The following LRRTM4 variants were observed in gnomAD, a reference collection of about 807,000 sequenced individuals.
The protein encoded by LRRTM4 is leucine rich repeat transmembrane neuronal 4.
A neutral mutation model predicts 47.6 loss-of-function variants in LRRTM4; 25 were observed. The ratio of observed to expected loss-of-function variants is 0.53; its 90% confidence interval spans 0.38 to 0.73. The LOEUF (loss-of-function observed/expected upper bound fraction) is 0.73, where lower values mean the gene tolerates loss of function less well. Among genes scored for constraint, LRRTM4 ranks in the 30% least tolerant of loss-of-function variants. The pLI, the probability that LRRTM4 is intolerant of heterozygous loss-of-function variation, is 0.00. For missense variants in LRRTM4, 638 were observed against 713.4 expected (o/e 0.89, Z 1.20); for synonymous variants, 311 against 269.5 (o/e 1.15, Z -1.51).
chr2:77,195,975 A>G (rs1470956817), intron 3 of LRRTM4, among the ~76,000 whole-genome samples: 1 of 152,194 alleles, frequency 6.6e-6, no homozygotes, highest in African/African-American at 2.4e-5. Context: ...TAAGTAAGCT[A>G]TTAATCTTTC....
intron 3 of LRRTM4, among the ~76,000 whole-genome samples, chr2:77,083,918 C>T (rs1353055481): frequency 6.7e-6 from 1 of 150,194 alleles, no homozygotes; most frequent in Non-Finnish European, 1.5e-5. Flanking sequence ...CATTCTCCTG[C>T]CTCAGCCTCC....
intron 3 of LRRTM4, among the ~76,000 whole-genome samples, chr2:77,196,636 T>A (rs529979978): frequency 6.6e-6 from 1 of 152,152 alleles, no homozygotes; most frequent in East Asian, 1.9e-4. Flanking sequence ...CCCAGCTTAG[T>A]AGGCTGAGGC....
intron 3 of LRRTM4, among the ~76,000 whole-genome samples, chr2:77,151,078 T>C (rs1318883090): frequency 6.6e-6 from 1 of 152,068 alleles, no homozygotes; most frequent in Non-Finnish European, 1.5e-5. Context: ...TGTGAAATCA[T>C]CACCACAATC....
At chr2:77,345,504 A>G (rs942028640) in intron 3 of LRRTM4, among the ~76,000 whole-genome samples, 3 of 151,916 alleles carry the variant, frequency 2.0e-5, no homozygotes, top group African/African-American at 4.8e-5. Context: ...AGAAAAGACA[A>G]CTCATTGAAG....
chr2:77,185,959 T>C (rs778210044), intron 3 of LRRTM4, among the ~76,000 whole-genome samples: 35 of 152,286 alleles, frequency 2.3e-4, no homozygotes, highest in South Asian at 1.4e-3. Context: ...TGTGAACCCT[T>C]TGGTACAGTG....
In LRRTM4 at chr2:77,350,283, G is replaced by T. The variant is rs866131542; in HGVS notation, c.1551+168035C>A. On this transcript the variant is annotated intron_variant, in intron 3 of 3. Coordinates refer to ENST00000409884, the MANE Select transcript of LRRTM4 (RefSeq NM_001134745.3). The stretch of plus-strand genomic sequence containing the variant: ...GGAGCTTGCAGTGAGCCGAGATTGC[G>T]CCACTGCAGTCCGCAGTCCGGCCTG... Among the ~76,000 whole-genome samples the T allele has an allele frequency of 1.5e-4, 19 of 122,638 alleles. No individual in the cohort carries two copies. In the Admixed American group the frequency reaches 1.8e-3, roughly 12 times the overall value. 80.5% of individuals were successfully genotyped at this position (122,638 alleles called of 152,430 possible).
At chr2:77,457,902 C>T (rs533714360) in intron 3 of LRRTM4, among the ~76,000 whole-genome samples, 5 of 152,240 alleles carry the variant, frequency 3.3e-5, no homozygotes, top group African/African-American at 1.2e-4. Flanking sequence ...CCCTGCACTG[C>T]TGCCACAGTT....
intron 3 of LRRTM4, among the ~76,000 whole-genome samples, chr2:77,443,163 T>C (rs753189959): frequency 6.6e-6 from 1 of 152,076 alleles, no homozygotes; most frequent in Non-Finnish European, 1.5e-5. Flanking sequence ...GTTGCAAATG[T>C]AGGTAGGAGC....
chr2:77,435,576 G>T (rs1573410895), intron 3 of LRRTM4, among the ~76,000 whole-genome samples: 1 of 152,058 alleles, frequency 6.6e-6, no homozygotes, highest in African/African-American at 2.4e-5. Flanking sequence ...TACCGAATGG[G>T]CCAGTGGTGA....
At chr2:77,165,009 T>C (rs1364869376) in intron 3 of LRRTM4, among the ~76,000 whole-genome samples, 1 of 151,896 alleles carries the variant, frequency 6.6e-6, no homozygotes. Flanking sequence ...CCTTCAAAAA[T>C]CAGTGAATCA....
intron 3 of LRRTM4, among the ~76,000 whole-genome samples, chr2:76,807,417 T>TATACACACAC (rs1421070310): frequency 7.0e-5 from 6 of 85,356 alleles, no homozygotes; most frequent in Admixed American, 5.8e-4. Context: ...CGTATATATA[T>TATACACACAC]ATATATACAT....
At chr2:77,079,031 G>A (rs1187515707) in intron 3 of LRRTM4, among the ~76,000 whole-genome samples, 4 of 152,046 alleles carry the variant, frequency 2.6e-5, no homozygotes, top group South Asian at 2.1e-4. Flanking sequence ...CTAAGGCCTC[G>A]CGATCTAACA....
At chr2:77,030,793 G>A (rs1000874129) in intron 3 of LRRTM4, among the ~76,000 whole-genome samples, 2 of 152,156 alleles carry the variant, frequency 1.3e-5, no homozygotes, top group African/African-American at 4.8e-5. Flanking sequence ...AATCTTTAAA[G>A]TTTTAATAAG....
At chr2:76,932,206 C>G (rs1219024703) in intron 3 of LRRTM4, among the ~76,000 whole-genome samples, 1 of 152,018 alleles carries the variant, frequency 6.6e-6, no homozygotes, top group African/African-American at 2.4e-5. Context: ...AGACTTTAAG[C>G]TGAAAACCTG....
intron 3 of LRRTM4, among the ~76,000 whole-genome samples, chr2:77,087,721 A>G (rs1263606603): frequency 2.0e-5 from 3 of 152,258 alleles, no homozygotes; most frequent in Non-Finnish European, 2.9e-5. Context: ...ATGTTTACAG[A>G]TATAATTGAA....
At chr2:77,092,544 C>G (rs996618059) in intron 3 of LRRTM4, among the ~76,000 whole-genome samples, 19 of 135,906 alleles carry the variant, frequency 1.4e-4, no homozygotes, top group Admixed American at 2.9e-4. Flanking sequence ...ATTCAGGCCC[C>G]CTCCTTTCCC....
chr2:77,041,200 C>G (rs75603848), intron 3 of LRRTM4, among the ~76,000 whole-genome samples: 2,672 of 151,598 alleles, frequency 0.018, 62 homozygotes, highest in African/African-American at 0.053. Flanking sequence ...TGCCTTGCTT[C>G]ATTTAATATA....
At chr2:76,929,645 CAAGTG>C (rs1418541277) in intron 3 of LRRTM4, among the ~76,000 whole-genome samples, 1 of 152,112 alleles carries the variant, frequency 6.6e-6, no homozygotes, top group Non-Finnish European at 1.5e-5. Context: ...TTAAGTTAAA[CAAGTG>C]AAGTCCAGCA....
chr2:76,936,910 G>A (rs1468132173), intron 3 of LRRTM4, among the ~76,000 whole-genome samples: 2 of 121,982 alleles, frequency 1.6e-5, no homozygotes, highest in Non-Finnish European at 3.1e-5. Context: ...AGCCGAGATG[G>A]CATCACTGCA....
Sources: allele counts gnomAD v4.1 joint callset (sites outside exome capture counted in the v4.1 genomes callset), GRCh38; gene constraint gnomAD v4.1.1; transcripts MANE v1.5; gene names NCBI Gene and HGNC (gene_info 2026-07-23, HGNC 2026-07-21).